The following SENP6 variants were observed in gnomAD, a reference collection of about 807,000 sequenced individuals.
The protein encoded by SENP6 is sentrin-specific protease 6.
In SENP6, 41 loss-of-function variants were observed where a neutral mutation model predicts 134.5. The observed-to-expected ratio is 0.30, with a 90% CI of 0.24 to 0.40. The LOEUF (loss-of-function observed/expected upper bound fraction) is 0.40, where lower values mean the gene tolerates loss of function less well. Ranked by LOEUF, SENP6 falls within the 10% of genes least tolerant of loss-of-function variation. SENP6 has a pLI of 1.00. For synonymous variants in SENP6, 395 were observed against 429.8 expected (o/e 0.92, Z 1.00); for missense variants, 1,248 against 1,312.5 (o/e 0.95, Z 0.76).
rs761049259 is a variant in SENP6 at position 75,670,597 on chromosome 6, GTTT to G, written c.1271_1273del (p.Phe424del). On this transcript the variant is annotated inframe_deletion, in exon 11 of 24. Coordinates refer to ENST00000447266, the MANE Select transcript of SENP6 (RefSeq NM_015571.4). ...ACACACCTCTGAAACGTCGTAAAGT[GTTT>G]TCTCAAGAACCTCCAGATGCTTTAG... 9 of 1,613,134 alleles carry G rather than the reference GTTT, an allele frequency of 5.6e-6. No homozygotes were observed. In the East Asian group the frequency reaches 1.8e-4, roughly 32 times the overall value.
chr6:75,670,373 A>G (rs145745521), intron 10 of SENP6, among the ~76,000 whole-genome samples, 180 bp from the exon 11 acceptor site: 49 of 152,342 alleles, frequency 3.2e-4, no homozygotes, highest in African/African-American at 1.1e-3. Flanking sequence ...TAAATAAGAT[A>G]CAAGGATTTA....
At chr6:75,638,622 ATTTTTTTT>A (rs57353168) in intron 5 of SENP6, among the ~76,000 whole-genome samples, 25 of 29,864 alleles carry the variant, frequency 8.4e-4, no homozygotes, top group South Asian at 3.4e-3. Context: ...ATATATATAT[ATTTTTTTT>A]TTTTTTTTTT....
chr6:75,608,534 G>T (rs1200090025), intron 1 of SENP6, among the ~76,000 whole-genome samples: 3 of 151,460 alleles, frequency 2.0e-5, no homozygotes, highest in Non-Finnish European at 4.4e-5. Flanking sequence ...AGGAAAGAGA[G>T]GAAGGAAAGA....
intron 1 of SENP6, among the ~76,000 whole-genome samples, chr6:75,619,075 A>G (rs1230543372): frequency 6.6e-6 from 1 of 150,866 alleles, no homozygotes; most frequent in Non-Finnish European, 1.5e-5. Flanking sequence ...TACATAACAT[A>G]TAAGTTACTG....
intron 11 of SENP6, 61 bp from the exon 12 acceptor site, chr6:75,675,374 A>T (rs1241815175): frequency 6.2e-6 from 6 of 971,480 alleles, no homozygotes; most frequent in Non-Finnish European, 9.4e-6. Flanking sequence ...ATTTGAATAA[A>T]AAAGTGAAGC....
intron 7 of SENP6, chr6:75,655,435 C>G (rs1305659045): frequency 6.6e-6 from 1 of 152,156 alleles, no homozygotes; most frequent in Non-Finnish European, 1.5e-5. Flanking sequence ...TAGGAAAGTT[C>G]CCTCATGTTC....
At position 75,716,205 on chromosome 6, in the gene SENP6, T is replaced by A. The variant is rs2149910829; in HGVS notation, c.*611T>A. The A allele has an allele frequency of 6.6e-6, 1 of 152,002 alleles. No homozygotes were observed. Among genetic ancestry groups the A allele is most frequent in the African/African-American group, 2.4e-5 (1 of 41,540 alleles). 9.4% of individuals were successfully genotyped at this position (152,002 alleles called of 1,614,324 possible). On this transcript the variant is annotated 3_prime_UTR_variant, in exon 24 of 24. Coordinates refer to ENST00000447266, the MANE Select transcript of SENP6 (RefSeq NM_015571.4). ...CACAAATATTTAAGAGGAAAGAGTA[T>A]TAAGAGCAATTCAAAAAAAGTAACC... is the stretch of plus-strand genomic sequence containing the variant.
rs919353642 is a variant in SENP6 at position 75,659,308 on chromosome 6, T to C, written c.597T>C (p.Pro199=). 7 of 1,612,506 alleles carry C rather than the reference T, an allele frequency of 4.3e-6. No individual in the cohort carries two copies. The highest frequency in any genetic ancestry group is 1.3e-5 in the African/African-American group (1 of 74,860). The change falls in exon 8 of 24, where the codon CCT becomes CCC. Residue 199 remains proline, a synonymous_variant. Transcript: ENST00000447266. ...AAGAGTCCGAATCACAAGTGGAGCCTGAAATTAAGAGGAAAGTACAACAGA... is the reference window on the plus strand; with the variant it reads ...AAGAGTCCGAATCACAAGTGGAGCCCGAAATTAAGAGGAAAGTACAACAGA... ...KTEESESQVE[P]EIKRKVQQKR...
At chr6:75,623,994 A>G (rs1199224548) in intron 3 of SENP6, 34 bp downstream of exon 3, 3 of 1,518,716 alleles carry the variant, frequency 2.0e-6, no homozygotes, top group Non-Finnish European at 2.7e-6. Flanking sequence ...CTTCTTTTAC[A>G]TTATATACAA....
At chr6:75,618,429 T>G (rs1341515459) in intron 1 of SENP6, among the ~76,000 whole-genome samples, 1 of 151,424 alleles carries the variant, frequency 6.6e-6, no homozygotes, top group Non-Finnish European at 1.5e-5. Flanking sequence ...CCCCTGTCTT[T>G]AAAAAAAAAT....
At chr6:75,609,340 G>A (rs1767269711) in intron 1 of SENP6, among the ~76,000 whole-genome samples, 2 of 152,172 alleles carry the variant, frequency 1.3e-5, no homozygotes, top group Admixed American at 6.5e-5. Flanking sequence ...TATTGATGAA[G>A]CAGCACTTTT....
At chr6:75,615,205 G>C (rs1412026209) in intron 1 of SENP6, among the ~76,000 whole-genome samples, 1 of 151,914 alleles carries the variant, frequency 6.6e-6, no homozygotes. Context: ...TGGTTTGTTT[G>C]AGTCTTGCTG....
chr6:75,662,084 A>C (rs944082440), intron 8 of SENP6, among the ~76,000 whole-genome samples: 27 of 152,132 alleles, frequency 1.8e-4, no homozygotes, highest in African/African-American at 6.5e-4. Context: ...AAATAAAACA[A>C]GATCTGTGAA....
chr6:75,625,501 T>C (rs756728705), intron 3 of SENP6, among the ~76,000 whole-genome samples: 4 of 152,212 alleles, frequency 2.6e-5, no homozygotes, highest in Non-Finnish European at 4.4e-5. Flanking sequence ...TATTTCCTTA[T>C]GTCATCAGAT....
chr6:75,666,963 A>G (rs1211283797), intron 10 of SENP6, 22 bp downstream of exon 10: 2 of 1,513,726 alleles, frequency 1.3e-6, no homozygotes, highest in East Asian at 2.3e-5. Context: ...TTTTGTTGAC[A>G]TTTGTTCAGA....
chr6:75,612,799 A>G (rs1449760605), intron 1 of SENP6, among the ~76,000 whole-genome samples: 1 of 152,188 alleles, frequency 6.6e-6, no homozygotes, highest in African/African-American at 2.4e-5. Context: ...GCTAAAGGAT[A>G]CCCTAGGTCA....
intron 1 of SENP6, among the ~76,000 whole-genome samples, chr6:75,614,705 T>C (rs927210177): frequency 1.5e-4 from 23 of 152,218 alleles, no homozygotes; most frequent in African/African-American, 5.3e-4. Flanking sequence ...ATTATTAATA[T>C]AATGGTTCCC....
At chr6:75,704,498 TA>T (rs1207523647) in intron 19 of SENP6, among the ~76,000 whole-genome samples, 6 of 152,226 alleles carry the variant, frequency 3.9e-5, no homozygotes, top group African/African-American at 1.4e-4. Flanking sequence ...CCTCCTGCCA[TA>T]GGGCGGTTTT....
intron 3 of SENP6, among the ~76,000 whole-genome samples, chr6:75,633,063 T>C (rs1561985780): frequency 6.6e-6 from 1 of 152,224 alleles, no homozygotes; most frequent in Non-Finnish European, 1.5e-5. Context: ...TTGCCTGTTA[T>C]ATACTGTGAT....
Sources: allele counts gnomAD v4.1 joint callset (sites outside exome capture counted in the v4.1 genomes callset), GRCh38; gene constraint gnomAD v4.1.1; transcripts MANE v1.5; gene names NCBI Gene and HGNC (gene_info 2026-07-23, HGNC 2026-07-21).